Variants in SDCCAG8 observed in about 807,000 individuals in gnomAD.
SDCCAG8 encodes the protein SHH signaling and ciliogenesis regulator SDCCAG8, also known as serologically defined colon cancer antigen 8.
A neutral mutation model predicts 101.8 loss-of-function variants in SDCCAG8; 74 were observed. The ratio of observed to expected loss-of-function variants is 0.73; its 90% confidence interval spans 0.60 to 0.88. The LOEUF is 0.88. Among genes scored for constraint, SDCCAG8 ranks in the 40% least tolerant of loss-of-function variants. The pLI is 0.00. For missense variants in SDCCAG8, 787 were observed against 822.6 expected (o/e 0.96, Z 0.53); for synonymous variants, 281 against 292.9 (o/e 0.96, Z 0.41).
At chr1:243,443,148 A>G (rs565592051) in intron 16 of SDCCAG8, among the ~76,000 whole-genome samples, 1 of 152,334 alleles carries the variant, frequency 6.6e-6, no homozygotes, top group Admixed American at 6.5e-5. Flanking sequence ...ATTTTGATGT[A>G]GGAACAAGTG....
intron 3 of SDCCAG8, among the ~76,000 whole-genome samples, chr1:243,271,912 T>C (rs2068122006): frequency 6.6e-6 from 1 of 152,228 alleles, no homozygotes; most frequent in Admixed American, 6.5e-5. Context: ...TAGTATGATA[T>C]ATAAGAAGTG....
intron 13 of SDCCAG8, among the ~76,000 whole-genome samples, chr1:243,392,511 G>A (rs547049682): frequency 7.9e-5 from 12 of 152,310 alleles, no homozygotes; most frequent in East Asian, 5.8e-4. Flanking sequence ...CCGAAGTCAG[G>A]CATTTGTTCG....
At chr1:243,261,090 T>G (rs2067159528) in intron 1 of SDCCAG8, among the ~76,000 whole-genome samples, 1 of 152,194 alleles carries the variant, frequency 6.6e-6, no homozygotes, top group African/African-American at 2.4e-5. Flanking sequence ...TTAAGGGAAA[T>G]GATGAGGCTT....
intron 9 of SDCCAG8, among the ~76,000 whole-genome samples, chr1:243,321,037 T>C (rs2073713476): frequency 1.3e-5 from 2 of 152,202 alleles, no homozygotes; most frequent in Non-Finnish European, 2.9e-5. Flanking sequence ...TGTAACTCTT[T>C]GCTTTGGATG....
At chr1:243,376,284 A>T (rs933489452) in intron 12 of SDCCAG8, among the ~76,000 whole-genome samples, 1 of 152,212 alleles carries the variant, frequency 6.6e-6, no homozygotes, top group South Asian at 2.1e-4. Context: ...TTTAATCTTC[A>T]CAACAGCTTT....
intron 1 of SDCCAG8, among the ~76,000 whole-genome samples, chr1:243,261,936 C>G (rs926074681): frequency 2.6e-5 from 4 of 151,042 alleles, no homozygotes; most frequent in Admixed American, 6.6e-5. Flanking sequence ...CTCAGCCTCC[C>G]GAGTAGCTGG....
intron 16 of SDCCAG8, among the ~76,000 whole-genome samples, chr1:243,475,048 T>C (rs1662117689): frequency 6.6e-6 from 1 of 152,088 alleles, no homozygotes; most frequent in African/African-American, 2.4e-5. Context: ...AAGGTGGCAT[T>C]CAGCCTGGGA....
At position 243,474,628 on chromosome 1, in the gene SDCCAG8, A is replaced by G. The variant is rs1041427494; in HGVS notation, c.1986-14386A>G. On this transcript the variant is annotated intron_variant, in intron 16 of 17. Coordinates refer to ENST00000366541, the MANE Select transcript of SDCCAG8 (RefSeq NM_006642.5). This position sits in a 1 kb window ranked among gnomAD's most constrained non-coding sequence, Gnocchi z 4.7. ...GAGCGCTCCGCGGTGGCCCGAGAGC[A>G]GGTGCTGGCGTGCGGGAGGCGCACG... 4.6e-5 allele frequency among the ~76,000 whole-genome samples: 7 copies of G among 152,218 alleles called. No homozygotes were observed. Among genetic ancestry groups the G allele is most frequent in the Admixed American group, 1.3e-4 (2 of 15,284 alleles).
intron 16 of SDCCAG8, among the ~76,000 whole-genome samples, chr1:243,433,010 G>A (rs915184945): frequency 2.0e-5 from 3 of 152,108 alleles, no homozygotes; most frequent in Admixed American, 6.6e-5. Flanking sequence ...GAAGAGAGGT[G>A]GGTTGGGATA....
At chr1:243,335,803 C>T (rs1387558961) in intron 10 of SDCCAG8, among the ~76,000 whole-genome samples, 4 of 152,156 alleles carry the variant, frequency 2.6e-5, no homozygotes. Flanking sequence ...CCTCTCCTCT[C>T]TAGTCATCCC....
intron 13 of SDCCAG8, among the ~76,000 whole-genome samples, chr1:243,395,750 T>C (rs1182113870): frequency 6.6e-6 from 1 of 152,144 alleles, no homozygotes; most frequent in Admixed American, 6.5e-5. Flanking sequence ...AAAATCCTTT[T>C]CATAAATTAT....
chr1:243,446,219 T>A (rs2082892110), intron 16 of SDCCAG8, among the ~76,000 whole-genome samples: 2 of 152,320 alleles, frequency 1.3e-5, no homozygotes, highest in African/African-American at 4.8e-5. Context: ...TATAACATAA[T>A]AACTGGTTAA....
In SDCCAG8 at chr1:243,422,561, A is replaced by G. The variant is rs140790869; in HGVS notation, c.1854-3866A>G. Among the ~76,000 whole-genome samples the G allele has an allele frequency of 5.2e-3, 791 of 152,330 alleles. 7 individuals carry two copies. The highest frequency in any genetic ancestry group is 7.6e-3 in the Non-Finnish European group (520 of 68,030). On this transcript the variant is annotated intron_variant, in intron 15 of 17. Coordinates refer to ENST00000366541, the MANE Select transcript of SDCCAG8 (RefSeq NM_006642.5). ...ATTATATTACTGTTTTGGCAACAGT[A>G]GGTATCCAACTGTGTGAGTTTAATT...
chr1:243,276,658 GTC>G (rs1340913091), intron 4 of SDCCAG8, among the ~76,000 whole-genome samples: 2 of 152,100 alleles, frequency 1.3e-5, no homozygotes, highest in Non-Finnish European at 2.9e-5. Context: ...TATTATCTAA[GTC>G]TCTCAGTTTG....
At chr1:243,335,221 T>A (rs182386882) in intron 10 of SDCCAG8, among the ~76,000 whole-genome samples, 1 of 152,188 alleles carries the variant, frequency 6.6e-6, no homozygotes, top group East Asian at 1.9e-4. Context: ...GGGGAAAAAA[T>A]GGCATTTTCG....
chr1:243,409,544 A>C (rs2080021065), intron 13 of SDCCAG8, among the ~76,000 whole-genome samples: 1 of 152,172 alleles, frequency 6.6e-6, no homozygotes, highest in Non-Finnish European at 1.5e-5. Flanking sequence ...CATTAAAGGC[A>C]CAAAAACAGC....
At chr1:243,425,576 C>G (rs528329206) in intron 15 of SDCCAG8, among the ~76,000 whole-genome samples, 1 of 152,078 alleles carries the variant, frequency 6.6e-6, no homozygotes, top group Non-Finnish European at 1.5e-5. Flanking sequence ...AACCTGAAAA[C>G]GACTCATAAT....
intron 6 of SDCCAG8, among the ~76,000 whole-genome samples, chr1:243,302,216 C>T (rs919886814): frequency 4.6e-5 from 7 of 152,044 alleles, no homozygotes; most frequent in African/African-American, 7.2e-5. Flanking sequence ...CCAGTGCATT[C>T]GAGCTTGGGT....
chr1:243,372,938 CTA>C lies in SDCCAG8; in HGVS notation c.1474-5779_1474-5778del, dbSNP rs1375742214. 5.0e-3 allele frequency among the ~76,000 whole-genome samples: 718 copies of C among 144,262 alleles called. 2 individuals carry two copies. The highest frequency in any genetic ancestry group is 0.017 in the African/African-American group (656 of 38,558). The allele number at this position is 144,262 out of a possible 152,430, so 94.6% of individuals were successfully genotyped here. A position where few individuals can be genotyped will look rare whatever the true frequency, so the allele number is the denominator to read the frequency against. ...TCTATATCTATATCTATATCTATAT[CTA>C]TATCTATATCTATCTATATATATAT... On this transcript the variant is annotated intron_variant, in intron 12 of 17. Transcript: ENST00000366541.
Sources: gnomAD v4.1 joint callset for allele counts (sites outside exome capture counted in the v4.1 genomes callset) on GRCh38, gnomAD v4.1.1 for gene constraint, Gnocchi (gnomAD v3.1) non-coding constraint, MANE v1.5 for transcripts, NCBI Gene and HGNC (gene_info 2026-07-23, HGNC 2026-07-21) for gene names.